NSD1: variants seen among roughly 807,000 people sequenced by gnomAD.
The protein encoded by NSD1 is nuclear receptor binding SET domain protein 1.
NSD1 carries 26 observed loss-of-function variants against 242.7 expected under a neutral mutation model. The observed-to-expected ratio is 0.11, with a 90% CI of 0.08 to 0.15. NSD1 has a LOEUF of 0.15. NSD1 is among the 10% of genes least tolerant of loss of function. NSD1 has a pLI of 1.00. For missense variants in NSD1, 2,495 were observed against 3,272.8 expected, an observed-to-expected ratio of 0.76 and a Z score of 5.80; for synonymous variants, 1,106 against 1,178.1, an observed-to-expected ratio of 0.94 and a Z score of 1.25.
intron 3 of NSD1, among the ~76,000 whole-genome samples, chr5:177,198,827 A>T (rs1307143894): frequency 6.6e-6 from 1 of 152,176 alleles, no homozygotes; most frequent in Non-Finnish European, 1.5e-5. Flanking sequence ...CCATACTTGA[A>T]GTTTTCACCA....
rs773877575 is a variant in NSD1 at position 177,177,508 on chromosome 5, T to C, written c.928-14376T>C. Among the ~76,000 whole-genome samples the C allele has an allele frequency of 7.9e-5, 12 of 151,840 alleles. No homozygotes were observed. In the South Asian group the frequency reaches 1.9e-3, roughly 24 times the overall value. On this transcript the variant is annotated intron_variant, in intron 2 of 22. Transcript: ENST00000439151. ...CTGGGTGACAGAGCAAGACTCTTTC[T>C]CCCAAAAACAACAAAAAACAAAACA...
chr5:177,235,062 T>C (rs1040741397), intron 5 of NSD1, among the ~76,000 whole-genome samples: 1 of 152,204 alleles, frequency 6.6e-6, no homozygotes, highest in Non-Finnish European at 1.5e-5. Flanking sequence ...TAATGGTATG[T>C]CATATTTTTA....
intron 5 of NSD1, among the ~76,000 whole-genome samples, chr5:177,225,987 T>G (rs1176513800): frequency 6.6e-6 from 1 of 152,220 alleles, no homozygotes; most frequent in Non-Finnish European, 1.5e-5. Flanking sequence ...TTTTTTTGTT[T>G]CACTCTCATA....
chr5:177,210,957 A>G lies in NSD1; in HGVS notation c.2558A>G (p.Glu853Gly). ...AAAACCAGGGATTCAAGTGACATAG[A>G]AACAGCAGTGGTGAAACATGTTTTA... Reference protein sequence around the residue: ...HEKTRDSSDIETAVVKHVLSE... With the variant: ...HEKTRDSSDIGTAVVKHVLSE... Residue 853 changes from glutamate to glycine, a missense_variant, in exon 5 of 23, where the codon GAA becomes GGA. This residue lies in a region of NSD1 where 121 missense variants were observed against 167.2 expected (regional missense o/e 0.72). Coordinates refer to ENST00000439151, the MANE Select transcript of NSD1 (RefSeq NM_022455.5). 4 of 1,614,180 alleles carry G rather than the reference A, an allele frequency of 2.5e-6. No individual in the cohort carries two copies. Among genetic ancestry groups the G allele is most frequent in the Non-Finnish European group, 3.4e-6 (4 of 1,180,026 alleles).
chr5:177,222,664 CTT>C (rs1764329374), intron 5 of NSD1, among the ~76,000 whole-genome samples: 1 of 152,048 alleles, frequency 6.6e-6, no homozygotes, highest in African/African-American at 2.4e-5. Context: ...TATCTAGAGT[CTT>C]TGACTATATT....
At chr5:177,264,571 C>G (rs1329368551) in intron 14 of NSD1, among the ~76,000 whole-genome samples, 1 of 152,154 alleles carries the variant, frequency 6.6e-6, no homozygotes, top group East Asian at 1.9e-4. Flanking sequence ...TAATCTTACT[C>G]TGAATCTGAG....
Position 177,269,531 on chromosome 5 carries a change from T to C in NSD1, c.5304-71T>C. On this transcript the variant is annotated intron_variant, in intron 15 of 22. Coordinates refer to ENST00000439151, the MANE Select transcript of NSD1 (RefSeq NM_022455.5). This position sits in a 1 kb window ranked among gnomAD's most constrained non-coding sequence, Gnocchi z 5.1. ...CAGACATTGCTAATCCTTACTTTTA[T>C]ATGAGTAGGTTATTTTCCTAATGCC... 1 of 1,338,388 alleles carries C rather than the reference T, an allele frequency of 7.5e-7. No homozygotes were observed. Among genetic ancestry groups the C allele is most frequent in the Non-Finnish European group, 1.1e-6 (1 of 935,752 alleles). The allele number at this position is 1,338,388 out of a possible 1,614,324, so 82.9% of individuals were successfully genotyped here. A position where few individuals can be genotyped will look rare whatever the true frequency, so the allele number is the denominator to read the frequency against.
intron 22 of NSD1, among the ~76,000 whole-genome samples, chr5:177,292,881 T>C (rs1457756787): frequency 1.3e-5 from 2 of 152,242 alleles, no homozygotes; most frequent in Non-Finnish European, 2.9e-5. Context: ...TAGGGAGCCA[T>C]TCCAGGGTGA....
chr5:177,284,533 C>T (rs1338690784), intron 20 of NSD1, among the ~76,000 whole-genome samples: 1 of 152,208 alleles, frequency 6.6e-6, no homozygotes, highest in African/African-American at 2.4e-5. Flanking sequence ...AGTGATCCTC[C>T]TGCCTCAGCC....
At chr5:177,179,106 A>G (rs1177936316) in intron 2 of NSD1, among the ~76,000 whole-genome samples, 3 of 152,234 alleles carry the variant, frequency 2.0e-5, no homozygotes, top group African/African-American at 7.2e-5. Flanking sequence ...GTGAACTACA[A>G]AGTGTAAATC....
intron 2 of NSD1, among the ~76,000 whole-genome samples, chr5:177,145,790 C>T (rs1444115750): frequency 6.6e-6 from 1 of 152,048 alleles, no homozygotes; most frequent in African/African-American, 2.4e-5. Flanking sequence ...TGCTTGTAAT[C>T]CCAGCTACTT....
rs75737978 is a variant in NSD1, at chr5:177,235,573, T to A, written c.3797-248T>A. Among the ~76,000 whole-genome samples, 7,408 of 152,242 alleles carry A rather than the reference T, an allele frequency of 0.049. 200 individuals carry two copies. The highest frequency in any genetic ancestry group is 0.082 in the South Asian group (395 of 4,818). ...CTTTAAATTTAACCTTTTCCTTAATTTTGGATGGGCCACATATATTCTATT... is the reference window on the plus strand; with the variant it reads ...CTTTAAATTTAACCTTTTCCTTAATATTGGATGGGCCACATATATTCTATT... On this transcript the variant is annotated intron_variant, in intron 5 of 22. Coordinates refer to ENST00000439151, the MANE Select transcript of NSD1 (RefSeq NM_022455.5).
intron 16 of NSD1, 72 bp from the exon 17 acceptor site, chr5:177,273,600 T>TA: frequency 1.6e-6 from 2 of 1,229,720 alleles, no homozygotes; most frequent in South Asian, 1.2e-5. Context: ...GGGGAAAAAG[T>TA]AAAAAATAAG....
intron 2 of NSD1, among the ~76,000 whole-genome samples, chr5:177,163,142 CTTTTT>C (rs1237651560): frequency 3.0e-5 from 4 of 133,118 alleles, no homozygotes; most frequent in Admixed American, 7.7e-5. Flanking sequence ...TGAAATGTCT[CTTTTT>C]TTTTTTTTTT....
chr5:177,141,943 C>A (rs560001040), intron 2 of NSD1, among the ~76,000 whole-genome samples: 3 of 152,056 alleles, frequency 2.0e-5, no homozygotes, highest in South Asian at 4.2e-4. Flanking sequence ...AAGTGATTCT[C>A]CTGCCTCAGC....
chr5:177,289,069 C>T (rs755869605), intron 21 of NSD1, 144 bp downstream of exon 21: 23 of 702,494 alleles, frequency 3.3e-5, no homozygotes, highest in Admixed American at 6.1e-5. Flanking sequence ...CCTGTAATCC[C>T]AGCACTTTGG....
chr5:177,207,740 T>G (rs1039391611), intron 4 of NSD1, among the ~76,000 whole-genome samples: 2 of 151,450 alleles, frequency 1.3e-5, no homozygotes, highest in African/African-American at 4.9e-5. Flanking sequence ...TTTTATTCAT[T>G]TATTTTATTT....
chr5:177,240,215 C>A (rs974365871), intron 8 of NSD1, among the ~76,000 whole-genome samples: 1 of 152,020 alleles, frequency 6.6e-6, no homozygotes, highest in Non-Finnish European at 1.5e-5. Context: ...CTCCTATTGC[C>A]GTGTCGTCGT....
intron 21 of NSD1, 86 bp from the exon 22 acceptor site, chr5:177,291,868 A>G: frequency 8.3e-7 from 1 of 1,209,592 alleles, no homozygotes; most frequent in Non-Finnish European, 1.2e-6. Context: ...AGAGAAGAGA[A>G]TGAGGCTCAG....
Sources: allele counts gnomAD v4.1 joint callset (sites outside exome capture counted in the v4.1 genomes callset), GRCh38; gene constraint gnomAD v4.1.1; regional missense constraint gnomAD v4.1.1; non-coding constraint Gnocchi (gnomAD v3.1); transcripts MANE v1.5; gene names NCBI Gene and HGNC (gene_info 2026-07-23, HGNC 2026-07-21).